The following ANKDD1B variants were observed in gnomAD, a reference collection of about 807,000 sequenced individuals.
ANKDD1B encodes the protein ankyrin repeat and death domain containing 1B, also known as ankyrin repeat and death domain-containing protein 1B.
A neutral mutation model predicts 59.7 loss-of-function variants in ANKDD1B; 57 were observed. The ratio of observed to expected loss-of-function variants is 0.95; its 90% CI spans 0.77 to 1.19. The LOEUF (loss-of-function observed/expected upper bound fraction) is 1.19, where lower values mean the gene tolerates loss of function less well. Ranked by LOEUF, ANKDD1B falls within the 50% of genes most tolerant of loss-of-function variation. The probability of loss-of-function intolerance (pLI) is 0.00; values close to 1 mark genes in which losing one functional copy is unlikely to be tolerated. For missense variants in ANKDD1B, 602 were observed against 641.9 expected (o/e 0.94, Z 0.67); for synonymous variants, 216 against 239.5 (o/e 0.90, Z 0.91).
intron 5 of ANKDD1B, among the ~76,000 whole-genome samples, chr5:75,631,100 A>G (rs1233604557): frequency 6.6e-6 from 1 of 152,168 alleles, no homozygotes; most frequent in African/African-American, 2.4e-5. Flanking sequence ...AATGGGCTAA[A>G]TGACAGGGTG....
At chr5:75,636,140 A>G (rs1016162172) in intron 7 of ANKDD1B, among the ~76,000 whole-genome samples, 1 of 152,252 alleles carries the variant, frequency 6.6e-6, no homozygotes, top group Non-Finnish European at 1.5e-5. Context: ...TTCTTATTCT[A>G]GAAGCCTACA....
Position 75,624,356 on chromosome 5 carries a change from C to A in ANKDD1B, c.397-1291C>A, listed in dbSNP as rs1396554556. Among the ~76,000 whole-genome samples, 4 of 152,286 alleles carry A rather than the reference C, an allele frequency of 2.6e-5. No individual in the cohort carries two copies. In the South Asian group the frequency reaches 8.3e-4, roughly 32 times the overall value. ...CCTATCCTGCTTCTGTAACTTAGGG[C>A]CCGGGGTGCAGATGCATTTTTTTGC... On this transcript the variant is annotated intron_variant, in intron 3 of 13. Transcript: ENST00000601380.
chr5:75,653,285 G>T (rs1415254257), intron 8 of ANKDD1B, 45 bp downstream of exon 8: 3 of 1,402,448 alleles, frequency 2.1e-6, no homozygotes, highest in South Asian at 1.2e-5. Flanking sequence ...GGCGCCGTGA[G>T]GTTGGCTGTG....
At chr5:75,619,410 C>A (rs895912611) in intron 2 of ANKDD1B, among the ~76,000 whole-genome samples, 2 of 152,170 alleles carry the variant, frequency 1.3e-5, no homozygotes, top group Admixed American at 6.5e-5. Context: ...TCTTTTACTT[C>A]CCTAAATACA....
intron 7 of ANKDD1B, among the ~76,000 whole-genome samples, chr5:75,652,791 AT>A (rs1774865744): frequency 6.6e-6 from 1 of 152,204 alleles, no homozygotes; most frequent in African/African-American, 2.4e-5. Flanking sequence ...GGGATATGTT[AT>A]GAGGAATGCC....
chr5:75,636,512 G>A (rs1774308775), intron 7 of ANKDD1B, among the ~76,000 whole-genome samples: 1 of 152,188 alleles, frequency 6.6e-6, no homozygotes. Context: ...TTTACAAGAG[G>A]GAGGGTTTGG....
At chr5:75,655,062 C>T (rs1025251734) in intron 8 of ANKDD1B, among the ~76,000 whole-genome samples, 5 of 152,166 alleles carry the variant, frequency 3.3e-5, no homozygotes, top group Non-Finnish European at 7.3e-5. Context: ...GCTCAGCTGC[C>T]GTCTCTACTC....
In ANKDD1B at chr5:75,631,571, C is replaced by G. The variant is rs544273539; in HGVS notation, c.601-3327C>G. On this transcript the variant is annotated intron_variant, in intron 5 of 13. Coordinates refer to ENST00000601380, the MANE Select transcript of ANKDD1B (RefSeq NM_001276713.2). ...GATATTTATTCTTGTGGGGCATGAG[C>G]CTTCTAAGCCAGGATGGCTCCGACC... Among the ~76,000 whole-genome samples, 88 of 152,274 alleles carry G rather than the reference C, an allele frequency of 5.8e-4. 1 individual carries two copies. Among genetic ancestry groups the G allele is most frequent in the African/African-American group, 2.0e-3 (85 of 41,554 alleles).
intron 7 of ANKDD1B, among the ~76,000 whole-genome samples, chr5:75,640,283 AT>A (rs1488837119): frequency 6.6e-6 from 1 of 152,036 alleles, no homozygotes; most frequent in Non-Finnish European, 1.5e-5. Context: ...GAGCTCAAGT[AT>A]TCTGCCTGCC....
chr5:75,657,989 AT>A (rs1305569631), intron 9 of ANKDD1B, among the ~76,000 whole-genome samples: 1 of 151,308 alleles, frequency 6.6e-6, no homozygotes, highest in Non-Finnish European at 1.5e-5. Context: ...AGATAGGAGG[AT>A]TGCCTGAGGC....
intron 3 of ANKDD1B, among the ~76,000 whole-genome samples, chr5:75,622,746 G>A (rs1465079217): frequency 6.6e-6 from 1 of 152,186 alleles, no homozygotes; most frequent in Non-Finnish European, 1.5e-5. Flanking sequence ...AGAGCTTCGT[G>A]AGCCAACTGT....
In ANKDD1B at chr5:75,625,797, A is replaced by T. The variant is rs895308546; in HGVS notation, c.495+52A>T. ...AAAGCTCTTACCTCACCATTGCAGG[A>T]GAGAGGAAGTTCTGAGGTCACTGTC... On this transcript the variant is annotated intron_variant, in intron 4 of 13. Transcript: ENST00000601380. 15 of 1,527,688 alleles carry T rather than the reference A, an allele frequency of 9.8e-6. No homozygotes were observed. In the African/African-American group the frequency reaches 2.1e-4, roughly 21 times the overall value. 94.6% of individuals were successfully genotyped at this position (1,527,688 alleles called of 1,614,324 possible). A position where few individuals can be genotyped will look rare whatever the true frequency, so the allele number is the denominator to read the frequency against.
intron 7 of ANKDD1B, among the ~76,000 whole-genome samples, chr5:75,646,892 C>A (rs2111975794): frequency 1.3e-5 from 1 of 77,960 alleles, no homozygotes; most frequent in South Asian, 4.0e-4. Context: ...GGTACTGGTA[C>A]CAAAACAGAG....
At chr5:75,658,068 G>A (rs891476771) in intron 9 of ANKDD1B, among the ~76,000 whole-genome samples, 3 of 151,408 alleles carry the variant, frequency 2.0e-5, no homozygotes, top group Non-Finnish European at 2.9e-5. Flanking sequence ...AAAATTAGTA[G>A]AGCCTGTAGT....
intron 1 of ANKDD1B, among the ~76,000 whole-genome samples, chr5:75,615,440 G>A (rs1773686527): frequency 6.6e-6 from 1 of 152,150 alleles, no homozygotes; most frequent in Non-Finnish European, 1.5e-5. Context: ...GGAACGAAGA[G>A]AAGGATCCAG....
intron 11 of ANKDD1B, 116 bp from the exon 12 acceptor site, chr5:75,666,676 A>T: frequency 1.4e-6 from 1 of 725,510 alleles, no homozygotes; most frequent in Non-Finnish European, 2.2e-6. Context: ...GGAGGCATTG[A>T]AAACATAGTC....
intron 1 of ANKDD1B, among the ~76,000 whole-genome samples, chr5:75,615,500 C>T (rs1370331182): frequency 6.6e-6 from 1 of 152,078 alleles, no homozygotes; most frequent in Admixed American, 6.5e-5. Context: ...CTCAGGCTGC[C>T]ACGACAAAGT....
intron 3 of ANKDD1B, among the ~76,000 whole-genome samples, chr5:75,622,620 C>T (rs553992514): frequency 1.3e-5 from 2 of 152,188 alleles, no homozygotes; most frequent in Non-Finnish European, 2.9e-5. Flanking sequence ...AAGCTTCTTA[C>T]CTCTGGGAAG....
intron 7 of ANKDD1B, among the ~76,000 whole-genome samples, chr5:75,651,102 C>G (rs1774817731): frequency 6.6e-6 from 1 of 152,204 alleles, no homozygotes; most frequent in Non-Finnish European, 1.5e-5. Flanking sequence ...ATGCCTGGAA[C>G]TGGCACGCTG....
Sources: gnomAD v4.1 joint callset for allele counts (sites outside exome capture counted in the v4.1 genomes callset) on GRCh38, gnomAD v4.1.1 for gene constraint, MANE v1.5 for transcripts, NCBI Gene and HGNC (gene_info 2026-07-23, HGNC 2026-07-21) for gene names.